The following CSMD3 variants were observed in gnomAD, a reference collection of about 807,000 sequenced individuals.
The protein encoded by CSMD3 is CUB and Sushi multiple domains 3.
In CSMD3, 177 loss-of-function variants were observed where a neutral mutation model predicts 435.2. The observed-to-expected ratio is 0.41, with a 90% CI of 0.36 to 0.46. The LOEUF (loss-of-function observed/expected upper bound fraction) is 0.46. CSMD3 is among the 20% of genes least tolerant of loss of function. The probability of loss-of-function intolerance (pLI) is 0.34; values close to 1 mark genes in which losing one functional copy is unlikely to be tolerated. For missense variants in CSMD3, 4,265 were observed against 4,504.6 expected, an observed-to-expected ratio of 0.95 and a Z score of 1.52; for synonymous variants, 1,656 against 1,520.5, an observed-to-expected ratio of 1.09 and a Z score of -2.07.
intron 11 of CSMD3, among the ~76,000 whole-genome samples, chr8:112,843,387 G>A (rs577655927): frequency 6.6e-6 from 1 of 151,836 alleles, no homozygotes; most frequent in African/African-American, 2.4e-5. Context: ...CAATTTCCTT[G>A]TTACTCCTCA....
chr8:112,633,081 A>G (rs2131564100), intron 22 of CSMD3, among the ~76,000 whole-genome samples: 1 of 152,172 alleles, frequency 6.6e-6, no homozygotes, highest in Non-Finnish European at 1.5e-5. Flanking sequence ...GATTTTGTGT[A>G]TTGAGTGCTT....
At chr8:113,292,923 A>T (rs959178256) in intron 2 of CSMD3, among the ~76,000 whole-genome samples, 2 of 151,742 alleles carry the variant, frequency 1.3e-5, no homozygotes. Context: ...ATGAAAAAAA[A>T]TTTTGCTAAA....
intron 61 of CSMD3, among the ~76,000 whole-genome samples, chr8:112,256,669 G>A (rs756477008): frequency 6.6e-6 from 1 of 152,082 alleles, no homozygotes; most frequent in Non-Finnish European, 1.5e-5. Flanking sequence ...TTTTATTGTG[G>A]CAAAGAAAAT....
chr8:112,631,880 C>G (rs530100071), intron 22 of CSMD3, among the ~76,000 whole-genome samples: 2 of 152,012 alleles, frequency 1.3e-5, no homozygotes, highest in East Asian at 3.9e-4. Flanking sequence ...AAGGCATTTG[C>G]CTAAATTAAC....
intron 47 of CSMD3, 135 bp downstream of exon 47, chr8:112,318,702 T>G: frequency 3.1e-6 from 2 of 651,376 alleles, no homozygotes; most frequent in Non-Finnish European, 5.4e-6. Flanking sequence ...ATAGCACATA[T>G]GAGTTATAAA....
intron 16 of CSMD3, among the ~76,000 whole-genome samples, chr8:112,673,884 C>T (rs748445849): frequency 6.6e-6 from 1 of 152,068 alleles, no homozygotes; most frequent in African/African-American, 2.4e-5. Context: ...GGAGTTCTTG[C>T]TTGAGTAAGC....
chr8:112,870,304 T>C (rs2081096945), intron 10 of CSMD3, among the ~76,000 whole-genome samples: 1 of 151,708 alleles, frequency 6.6e-6, no homozygotes. Flanking sequence ...GGTCTCTCTT[T>C]GTTGCCCAGG....
chr8:112,297,213 T>G (rs1393979389), intron 53 of CSMD3, among the ~76,000 whole-genome samples: 2 of 148,760 alleles, frequency 1.3e-5, no homozygotes, highest in Non-Finnish European at 3.0e-5. Flanking sequence ...TTGAAATTAT[T>G]TTATGAAGTA....
intron 35 of CSMD3, among the ~76,000 whole-genome samples, chr8:112,395,351 T>C (rs920050013): frequency 1.3e-5 from 2 of 152,146 alleles, no homozygotes; most frequent in South Asian, 2.1e-4. Flanking sequence ...AGTGCTTCAT[T>C]CAAATGCCAA....
intron 10 of CSMD3, among the ~76,000 whole-genome samples, chr8:112,897,690 CTCTCTGTGTGTGTGTG>C (rs750668317): frequency 8.0e-6 from 1 of 125,088 alleles, no homozygotes; most frequent in Non-Finnish European, 1.7e-5. Flanking sequence ...CTCTCTCTCT[CTCTCTGTGTGTGTGTG>C]TGTGTGTGTG....
intron 3 of CSMD3, 37 bp from the exon 4 acceptor site, chr8:113,173,953 T>C (rs768794294): frequency 7.7e-6 from 11 of 1,436,028 alleles, no homozygotes; most frequent in Non-Finnish European, 1.1e-5. Flanking sequence ...TTACAGTTAT[T>C]TCAATAAGCA....
intron 12 of CSMD3, among the ~76,000 whole-genome samples, chr8:112,801,085 C>T (rs566138808): frequency 6.6e-6 from 1 of 152,032 alleles, no homozygotes; most frequent in African/African-American, 2.4e-5. Flanking sequence ...TAAATGTCCA[C>T]ATTGATAAGA....
At chr8:113,069,888 A>ACAGTT (rs1395382815) in intron 5 of CSMD3, among the ~76,000 whole-genome samples, 1 of 152,082 alleles carries the variant, frequency 6.6e-6, no homozygotes, top group African/African-American at 2.4e-5. Context: ...ACAAAATAGC[A>ACAGTT]ACAGTCTAGG....
chr8:113,362,457 G>A (rs2094283740), intron 1 of CSMD3, among the ~76,000 whole-genome samples: 1 of 152,136 alleles, frequency 6.6e-6, no homozygotes, highest in Non-Finnish European at 1.5e-5. Flanking sequence ...AAAAGTATCT[G>A]CATAAAAAGT....
At chr8:112,747,183 CTTTTTTTTTTTTTTTTTTTTTTTT>C (rs71309787) in intron 13 of CSMD3, among the ~76,000 whole-genome samples, 9 of 26,944 alleles carry the variant, frequency 3.3e-4, no homozygotes, top group Non-Finnish European at 5.2e-4. Flanking sequence ...GCACACTTCC[CTTTTTTTTTTTTTTTTTTTTTTTT>C]TTTTTTTTTT....
intron 22 of CSMD3, among the ~76,000 whole-genome samples, chr8:112,632,638 G>A (rs2074547247): frequency 6.6e-6 from 1 of 151,960 alleles, no homozygotes; most frequent in African/African-American, 2.4e-5. Context: ...GGTATATTTG[G>A]ATGCTGAGTG....
At chr8:112,299,046 C>G (rs1820640851) in intron 53 of CSMD3, among the ~76,000 whole-genome samples, 1 of 152,042 alleles carries the variant, frequency 6.6e-6, no homozygotes. Context: ...GAACAAATTA[C>G]AGATATGCAC....
At chr8:112,510,312 A>G (rs956812366) in intron 28 of CSMD3, among the ~76,000 whole-genome samples, 2 of 152,202 alleles carry the variant, frequency 1.3e-5, no homozygotes, top group Non-Finnish European at 2.9e-5. Flanking sequence ...CCCAATTCCC[A>G]TACAGCCTTC....
intron 13 of CSMD3, among the ~76,000 whole-genome samples, chr8:112,745,896 T>C (rs574606242): frequency 1.5e-3 from 235 of 152,108 alleles, no homozygotes; most frequent in Non-Finnish European, 2.5e-3. Context: ...AGGGAGGAAA[T>C]AAGAACTAAA....
Sources: gnomAD v4.1 joint callset for allele counts (sites outside exome capture counted in the v4.1 genomes callset) on GRCh38, gnomAD v4.1.1 for gene constraint, MANE v1.5 for transcripts, NCBI Gene and HGNC (gene_info 2026-07-23, HGNC 2026-07-21) for gene names.